Variants in CNTNAP5 observed in about 807,000 individuals in gnomAD.
CNTNAP5 encodes the protein contactin associated protein family member 5, also known as contactin-associated protein-like 5.
CNTNAP5 carries 72 observed loss-of-function variants against 150.2 expected under a neutral mutation model. The observed-to-expected ratio is 0.48, with a 90% confidence interval of 0.40 to 0.58. The LOEUF is 0.58. Ranked by LOEUF, CNTNAP5 falls within the 20% of genes least tolerant of loss-of-function variation. The pLI, the probability that CNTNAP5 is intolerant of heterozygous loss-of-function variation, is 0.00. For missense variants in CNTNAP5, 1,636 were observed against 1,626.2 expected (o/e 1.01, Z -0.10); for synonymous variants, 672 against 619.8 (o/e 1.08, Z -1.25).
At chr2:124,215,731 A>AAAG (rs1415071338) in intron 1 of CNTNAP5, among the ~76,000 whole-genome samples, 3 of 147,504 alleles carry the variant, frequency 2.0e-5, no homozygotes, top group African/African-American at 5.0e-5. Flanking sequence ...AAAAAAAAAA[A>AAAG]AAGAAGAGAA....
intron 3 of CNTNAP5, among the ~76,000 whole-genome samples, chr2:124,306,454 A>G (rs1279884003): frequency 6.6e-6 from 1 of 152,196 alleles, no homozygotes; most frequent in East Asian, 1.9e-4. Flanking sequence ...CCAAATGGTC[A>G]GAGAGTTAAT....
At chr2:124,166,705 CA>C in intron 1 of CNTNAP5, among the ~76,000 whole-genome samples, 1 of 152,248 alleles carries the variant, frequency 6.6e-6, no homozygotes, top group African/African-American at 2.4e-5. Flanking sequence ...TCCTTCCATG[CA>C]GTGATGGCCA....
intron 3 of CNTNAP5, among the ~76,000 whole-genome samples, chr2:124,405,085 G>A (rs953989580): frequency 6.6e-6 from 1 of 152,112 alleles, no homozygotes; most frequent in African/African-American, 2.4e-5. Context: ...AAATTTCTGA[G>A]AACTAGTGCA....
At chr2:124,204,623 T>A (rs896817743) in intron 1 of CNTNAP5, among the ~76,000 whole-genome samples, 19 of 152,308 alleles carry the variant, frequency 1.2e-4, no homozygotes, top group African/African-American at 4.1e-4. Context: ...TGGAAAGGCC[T>A]CACAATCATG....
intron 4 of CNTNAP5, among the ~76,000 whole-genome samples, chr2:124,433,629 T>C (rs1692448048): frequency 6.6e-6 from 1 of 152,134 alleles, no homozygotes; most frequent in Admixed American, 6.5e-5. Flanking sequence ...AGTTTCAATT[T>C]GTAATTAAAC....
In CNTNAP5 at chr2:124,866,416, G is replaced by A. The variant is rs1677633984; in HGVS notation, c.3348+980G>A. Among the ~76,000 whole-genome samples, 3 of 152,312 alleles carry A rather than the reference G, an allele frequency of 2.0e-5. No individual in the cohort carries two copies. The South Asian group carries it at 6.2e-4, about 32-fold the overall frequency. On this transcript the variant is annotated intron_variant, in intron 20 of 23. Coordinates refer to ENST00000682447, the MANE Select transcript of CNTNAP5 (RefSeq NM_001367498.1). ...GCATTAAAGTGAGGAAGACGCATGGGCAAAGAGGAAATCATAATAGGCTGT... is the reference window on the plus strand; with the variant it reads ...GCATTAAAGTGAGGAAGACGCATGGACAAAGAGGAAATCATAATAGGCTGT...
chr2:124,333,015 C>T (rs558931331), intron 3 of CNTNAP5, among the ~76,000 whole-genome samples: 8 of 152,186 alleles, frequency 5.3e-5, no homozygotes, highest in Admixed American at 1.3e-4. Flanking sequence ...GATATACACA[C>T]GCATACATAA....
chr2:124,538,485 G>C (rs1695293609), intron 10 of CNTNAP5, among the ~76,000 whole-genome samples: 1 of 148,956 alleles, frequency 6.7e-6, no homozygotes, highest in Admixed American at 6.8e-5. Context: ...CTGTCAGAAA[G>C]AAAGAGAGAG....
chr2:124,636,480 A>C (rs955910661), intron 12 of CNTNAP5, among the ~76,000 whole-genome samples: 2 of 152,198 alleles, frequency 1.3e-5, no homozygotes, highest in Non-Finnish European at 2.9e-5. Flanking sequence ...TGACACAATG[A>C]AAGCACTCAT....
intron 5 of CNTNAP5, among the ~76,000 whole-genome samples, chr2:124,445,507 A>G (rs2104805192): frequency 6.6e-6 from 1 of 152,378 alleles, no homozygotes; most frequent in South Asian, 2.1e-4. Flanking sequence ...AAGTTGTGGA[A>G]CAAACCAATG....
chr2:124,878,659 GT>G (rs1479696287), intron 21 of CNTNAP5, among the ~76,000 whole-genome samples: 1 of 151,598 alleles, frequency 6.6e-6, no homozygotes, highest in Admixed American at 6.6e-5. Context: ...GGAGGTGGTA[GT>G]GTGGACAATA....
intron 3 of CNTNAP5, among the ~76,000 whole-genome samples, chr2:124,406,553 A>G (rs1691575680): frequency 6.6e-6 from 1 of 152,284 alleles, no homozygotes; most frequent in African/African-American, 2.4e-5. Flanking sequence ...TGCAGTTTTC[A>G]TTTGATTTTT....
chr2:124,587,060 T>C (rs1025735538), intron 11 of CNTNAP5, among the ~76,000 whole-genome samples: 3 of 152,148 alleles, frequency 2.0e-5, no homozygotes, highest in Non-Finnish European at 4.4e-5. Flanking sequence ...AGCTCAACCC[T>C]GTTGTATGAG....
chr2:124,500,499 T>G (rs1170800637), intron 7 of CNTNAP5, among the ~76,000 whole-genome samples: 1 of 152,108 alleles, frequency 6.6e-6, no homozygotes, highest in Non-Finnish European at 1.5e-5. Context: ...GGAGCTTTGT[T>G]GAAGGCAGAC....
At chr2:124,723,628 G>C (rs941723924) in intron 13 of CNTNAP5, among the ~76,000 whole-genome samples, 4 of 152,070 alleles carry the variant, frequency 2.6e-5, no homozygotes. Context: ...TTCTCTCACA[G>C]TTCTTAAAGT....
chr2:124,413,367 C>T (rs1474813658), intron 3 of CNTNAP5, among the ~76,000 whole-genome samples: 2 of 150,110 alleles, frequency 1.3e-5, no homozygotes, highest in Non-Finnish European at 3.0e-5. Flanking sequence ...TTGACGCAGC[C>T]ATCCCATTAC....
chr2:124,240,268 T>A (rs1007160652), intron 2 of CNTNAP5, among the ~76,000 whole-genome samples: 2 of 152,200 alleles, frequency 1.3e-5, no homozygotes, highest in African/African-American at 4.8e-5. Flanking sequence ...AGGCAAGTAC[T>A]TTCCTTCATG....
intron 1 of CNTNAP5, among the ~76,000 whole-genome samples, chr2:124,076,703 G>A (rs1455606073): frequency 6.6e-6 from 1 of 152,080 alleles, no homozygotes; most frequent in East Asian, 1.9e-4. Flanking sequence ...GGAAAGGCAA[G>A]AATTCCTTTC....
chr2:124,539,925 C>T (rs1444506847), intron 10 of CNTNAP5, among the ~76,000 whole-genome samples: 1 of 152,166 alleles, frequency 6.6e-6, no homozygotes, highest in Non-Finnish European at 1.5e-5. Flanking sequence ...ATCTCTTGGA[C>T]ATGATTTACT....
Sources: gnomAD v4.1 joint callset for allele counts (sites outside exome capture counted in the v4.1 genomes callset) on GRCh38, gnomAD v4.1.1 for gene constraint, MANE v1.5 for transcripts, NCBI Gene and HGNC (gene_info 2026-07-23, HGNC 2026-07-21) for gene names.